AHSA1: variants seen among roughly 807,000 people sequenced by gnomAD.
The protein encoded by AHSA1 is activator of HSP90 ATPase activity 1.
A neutral mutation model predicts 46.1 loss-of-function variants in AHSA1; 14 were observed. The ratio of observed to expected loss-of-function variants is 0.30; its 90% CI spans 0.20 to 0.47. The LOEUF is 0.47. Ranked by LOEUF, AHSA1 falls within the 20% of genes least tolerant of loss-of-function variation. The pLI, the probability that AHSA1 is intolerant of heterozygous loss-of-function variation, is 0.99. For missense variants in AHSA1, 333 were observed against 415.9 expected (o/e 0.80, Z 1.73); for synonymous variants, 147 against 145.8 (o/e 1.01, Z -0.06).
intron 1 of AHSA1, among the ~76,000 whole-genome samples, chr14:77,459,045 T>C (rs2079005895): frequency 6.6e-6 from 1 of 152,256 alleles, no homozygotes; most frequent in Non-Finnish European, 1.5e-5. Flanking sequence ...TATCTCACTT[T>C]GTATTCTCTC....
chr14:77,460,284 T>G (rs144323386), intron 2 of AHSA1: 56 of 185,308 alleles, frequency 3.0e-4, no homozygotes, highest in African/African-American at 1.2e-3. Context: ...TGTATGACAT[T>G]AGGAAAAAAT....
chr14:77,465,481 C>T (rs1397112349), intron 5 of AHSA1, 58 bp from the exon 6 acceptor site: 15 of 1,575,766 alleles, frequency 9.5e-6, no homozygotes, highest in South Asian at 1.2e-5. Flanking sequence ...TCTGAAGCCA[C>T]GTTGATTGAG....
At chr14:77,467,544 G>A (rs1394081554) in intron 6 of AHSA1, among the ~76,000 whole-genome samples, 3 of 145,896 alleles carry the variant, frequency 2.1e-5, no homozygotes, top group Admixed American at 1.4e-4. Context: ...AATACAAAAA[G>A]TTAGCCAGGC....
At chr14:77,462,361 C>T in intron 3 of AHSA1, 119 bp downstream of exon 3, 1 of 996,170 alleles carries the variant, frequency 1.0e-6, no homozygotes. Flanking sequence ...AGAACCCTAG[C>T]CTGCAGATAA....
At chr14:77,458,406 C>G in intron 1 of AHSA1, 137 bp downstream of exon 1, 2 of 836,588 alleles carry the variant, frequency 2.4e-6, no homozygotes, top group Non-Finnish European at 3.6e-6. Context: ...CTTCCTGTGG[C>G]AGGGGTCCGT....
chr14:77,465,745 A>G, intron 6 of AHSA1, 78 bp downstream of exon 6: 2 of 1,462,046 alleles, frequency 1.4e-6, no homozygotes, highest in Admixed American at 2.0e-5. Flanking sequence ...TCCCTTCAGC[A>G]GTGTACAGAA....
intron 6 of AHSA1, among the ~76,000 whole-genome samples, chr14:77,467,044 T>C (rs2079050385): frequency 6.6e-6 from 1 of 152,244 alleles, no homozygotes; most frequent in Non-Finnish European, 1.5e-5. Flanking sequence ...AGTAAAGTCT[T>C]ATTAAAAGTA....
chr14:77,467,368 C>T (rs894295533), intron 6 of AHSA1, among the ~76,000 whole-genome samples: 2 of 152,006 alleles, frequency 1.3e-5, no homozygotes, highest in African/African-American at 4.8e-5. Flanking sequence ...CACTGCACTT[C>T]GGCCTGGGCA....
At chr14:77,463,610 A>G (rs866873127) in intron 4 of AHSA1, among the ~76,000 whole-genome samples, 3 of 151,010 alleles carry the variant, frequency 2.0e-5, no homozygotes, top group Non-Finnish European at 3.0e-5. Context: ...CAAAAAAAAA[A>G]CTGTATTTGA....
chr14:77,460,055 C>T (rs4531669), intron 2 of AHSA1: 32,399 of 518,824 alleles, frequency 0.062, 1,367 homozygotes, highest in Admixed American at 0.16. Flanking sequence ...ATCTTTGGGC[C>T]TTGGTCTTTG....
In AHSA1 at chr14:77,468,451, T is replaced by C. The variant is rs2079057781; in HGVS notation, c.793-6T>C. On this transcript the variant is annotated splice_region_variant and splice_polypyrimidine_tract_variant and intron_variant, in intron 7 of 8. Transcript: ENST00000216479. ...TAATATAGACTGAGCTGTTTGATTA[T>C]TTTAGGTCCCTGAGAAACATATTGT... 6.2e-7 allele frequency: 1 copy of C among 1,612,208 alleles called. No homozygotes were observed. Among genetic ancestry groups the C allele is most frequent in the Non-Finnish European group, 8.5e-7 (1 of 1,178,640 alleles).
intron 2 of AHSA1, 105 bp from the exon 3 acceptor site, chr14:77,462,055 G>A: frequency 1.3e-6 from 1 of 775,062 alleles, no homozygotes; most frequent in Non-Finnish European, 2.2e-6. Context: ...AAGAGGATCA[G>A]TTCAGCCATC....
chr14:77,462,396 GA>G (rs1320732691), intron 3 of AHSA1, 154 bp downstream of exon 3: 45 of 774,504 alleles, frequency 5.8e-5, no homozygotes, highest in Non-Finnish European at 9.0e-5. Context: ...GGTGCCATTG[GA>G]AACTTCTAGA....
chr14:77,459,284 T>C (rs1233090339), intron 1 of AHSA1, among the ~76,000 whole-genome samples: 2 of 152,224 alleles, frequency 1.3e-5, no homozygotes, highest in African/African-American at 4.8e-5. Flanking sequence ...GTGTTCCTGA[T>C]CTCAGCAATA....
chr14:77,463,703 A>G (rs892205494), intron 4 of AHSA1, among the ~76,000 whole-genome samples: 6 of 152,112 alleles, frequency 3.9e-5, no homozygotes, highest in African/African-American at 1.4e-4. Context: ...AGTCTGGACT[A>G]TCTTTGATAT....
chr14:77,469,201 CTT>C lies in AHSA1; in HGVS notation c.971_972del (p.Phe324Ter). Reference sequence around the variant, plus strand: ...CGCGACAGGGCTGGCAGCGGTACTACTTTGAGGGCATTAAACAGACCTTTGGC... The same window carrying C: ...CGCGACAGGGCTGGCAGCGGTACTACTGAGGGCATTAAACAGACCTTTGGC... ...RTRQGWQRYYFEGIKQTFGYG... is the reference protein window; with the variant it reads ...RTRQGWQRYYXEGIKQTFGYG... On this transcript the variant is annotated frameshift_variant, in exon 9 of 9. Transcript: ENST00000216479. LOFTEE classifies it high-confidence loss of function. The C allele has an allele frequency of 6.2e-7, 1 of 1,614,006 alleles. No individual in the cohort carries two copies.
chr14:77,467,254 C>T (rs1233230584), intron 6 of AHSA1, among the ~76,000 whole-genome samples: 1 of 151,642 alleles, frequency 6.6e-6, no homozygotes, highest in Non-Finnish European at 1.5e-5. Context: ...CAAAAATTAG[C>T]CAGGTATGGT....
intron 8 of AHSA1, chr14:77,468,738 T>C: frequency 2.1e-6 from 1 of 473,498 alleles, no homozygotes; most frequent in Non-Finnish European, 3.6e-6. Context: ...TTTTTTTTTT[T>C]TTTTTTTACT....
chr14:77,468,691 T>C, intron 8 of AHSA1, 183 bp downstream of exon 8: 1 of 586,984 alleles, frequency 1.7e-6, no homozygotes, highest in Non-Finnish European at 3.0e-6. Flanking sequence ...GCTTCCCAAG[T>C]AGCTGAGACT....
Sources: allele counts gnomAD v4.1 joint callset (sites outside exome capture counted in the v4.1 genomes callset), GRCh38; gene constraint gnomAD v4.1.1; transcripts MANE v1.5; gene names NCBI Gene and HGNC (gene_info 2026-07-23, HGNC 2026-07-21).